Variants in RIN3 observed in about 807,000 individuals in gnomAD.
The protein encoded by RIN3 is RAB5 interacting protein 3.
In RIN3, 54 loss-of-function variants were observed where a neutral mutation model predicts 76.3. The observed-to-expected ratio is 0.71, with a 90% confidence interval of 0.57 to 0.89. The LOEUF is 0.89. Ranked by LOEUF, RIN3 falls within the 40% of genes least tolerant of loss-of-function variation. RIN3 has a pLI of 0.00. For missense variants in RIN3, 1,256 were observed against 1,322.1 expected (o/e 0.95, Z 0.78); for synonymous variants, 576 against 564.0 (o/e 1.02, Z -0.30).
chr14:92,687,698 G>A (rs1380421024), intron 9 of RIN3: 4 of 516,860 alleles, frequency 7.7e-6, no homozygotes, highest in East Asian at 3.5e-5. Flanking sequence ...ACTCCGAGAC[G>A]CGCCTTAATT....
In RIN3 at chr14:92,625,000, C is replaced by T. The variant is rs553633807; in HGVS notation, c.440+9521C>T. On this transcript the variant is annotated intron_variant, in intron 4 of 9. Transcript: ENST00000216487. ...CTTATTGAGGCCGTAGTCTCCGGGC[C>T]GGTGCTGATGGACTGGAAACTCAAG... Among the ~76,000 whole-genome samples, 10 of 152,266 alleles carry T rather than the reference C, an allele frequency of 6.6e-5. No homozygotes were observed. The South Asian group carries it at 8.3e-4, about 13-fold the overall frequency.
At chr14:92,650,135 T>C (rs979234619) in intron 5 of RIN3, among the ~76,000 whole-genome samples, 2 of 152,216 alleles carry the variant, frequency 1.3e-5, no homozygotes, top group Non-Finnish European at 1.5e-5. Context: ...TCCTGAGTTC[T>C]GGGCTGCAAG....
intron 4 of RIN3, among the ~76,000 whole-genome samples, chr14:92,638,198 G>A (rs1382440940): frequency 1.3e-5 from 2 of 152,178 alleles, no homozygotes; most frequent in African/African-American, 4.8e-5. Flanking sequence ...TGGCCTCGAA[G>A]GATGTATAGA....
chr14:92,685,153 G>A lies in RIN3; in HGVS notation c.2631+3G>A, dbSNP rs914700551. On this transcript the variant is annotated splice_donor_region_variant and intron_variant, in intron 9 of 9. Transcript: ENST00000216487. The surrounding 1 kb of genome is among the most constrained non-coding windows in gnomAD (Gnocchi z 4.7). ...GGGCCTCCCGCTCCTCCGTACAGGT[G>A]AGGCCTGAGAGCGGGAGGGGCCCGG... is the stretch of plus-strand genomic sequence containing the variant. 6.2e-7 allele frequency: 1 copy of A among 1,600,030 alleles called. No homozygotes were observed. The highest frequency in any genetic ancestry group is 1.7e-5 in the Admixed American group (1 of 58,980).
At chr14:92,552,267 T>C (rs1305947743) in intron 1 of RIN3, among the ~76,000 whole-genome samples, 1 of 152,216 alleles carries the variant, frequency 6.6e-6, no homozygotes, top group Admixed American at 6.5e-5. Context: ...TCAGTCACCC[T>C]GAGAGCAGCA....
intron 6 of RIN3, among the ~76,000 whole-genome samples, chr14:92,658,821 A>C (rs2140150099): frequency 1.3e-5 from 2 of 152,344 alleles, no homozygotes; most frequent in Middle Eastern, 6.8e-3. Flanking sequence ...CAGGTTGTAC[A>C]CTGTACAACT....
intron 6 of RIN3, among the ~76,000 whole-genome samples, chr14:92,658,649 C>A (rs56019622): frequency 6.6e-6 from 1 of 152,196 alleles, no homozygotes; most frequent in African/African-American, 2.4e-5. Context: ...CCTGACCAAC[C>A]CAGGTCAAGG....
intron 2 of RIN3, among the ~76,000 whole-genome samples, chr14:92,574,870 A>G (rs1861054706): frequency 6.6e-6 from 1 of 152,148 alleles, no homozygotes; most frequent in African/African-American, 2.4e-5. Context: ...CTGTAAGCCA[A>G]GTGGAGGCAA....
intron 3 of RIN3, among the ~76,000 whole-genome samples, chr14:92,601,412 T>C (rs1205660983): frequency 1.3e-5 from 2 of 152,150 alleles, no homozygotes; most frequent in Non-Finnish European, 2.9e-5. Context: ...CTTCTCTGGG[T>C]CTCACAGTGG....
intron 1 of RIN3, among the ~76,000 whole-genome samples, chr14:92,552,672 C>T (rs899894041): frequency 2.0e-5 from 3 of 152,152 alleles, no homozygotes; most frequent in African/African-American, 7.2e-5. Context: ...CAGATACCTG[C>T]AGCCAGGCAC....
At chr14:92,533,389 A>T (rs933637700) in intron 1 of RIN3, among the ~76,000 whole-genome samples, 18 of 152,390 alleles carry the variant, frequency 1.2e-4, no homozygotes, top group Admixed American at 9.1e-4. Flanking sequence ...AGAAGTCATT[A>T]TACAAAAAAG....
intron 4 of RIN3, among the ~76,000 whole-genome samples, chr14:92,622,609 C>T (rs1488744853): frequency 1.3e-5 from 2 of 152,190 alleles, no homozygotes; most frequent in African/African-American, 4.8e-5. Flanking sequence ...TAACGCAGAC[C>T]CTGTTCCTGT....
chr14:92,636,242 G>A (rs1345659410), intron 4 of RIN3, among the ~76,000 whole-genome samples: 5 of 152,156 alleles, frequency 3.3e-5, no homozygotes, highest in Non-Finnish European at 7.4e-5. Context: ...GAAAGAGAGA[G>A]GGAGGGAAAG....
chr14:92,573,294 G>C (rs1286092100), intron 2 of RIN3, among the ~76,000 whole-genome samples: 1 of 152,134 alleles, frequency 6.6e-6, no homozygotes, highest in South Asian at 2.1e-4. Flanking sequence ...AAGGGGGTGA[G>C]GACAGCTCCA....
intron 7 of RIN3, among the ~76,000 whole-genome samples, chr14:92,671,281 G>A (rs1047258162): frequency 1.3e-5 from 2 of 152,012 alleles, no homozygotes; most frequent in South Asian, 2.1e-4. Context: ...ATGTGGGAGA[G>A]CACAAGAAGT....
At chr14:92,664,418 A>AGTG (rs1555392816) in intron 7 of RIN3, among the ~76,000 whole-genome samples, 6 of 118,906 alleles carry the variant, frequency 5.0e-5, no homozygotes, top group Non-Finnish European at 9.6e-5. Context: ...CCCAGGCTGG[A>AGTG]GTGCAGTGGC....
intron 1 of RIN3, chr14:92,515,249 C>T (rs925341471): frequency 2.9e-6 from 2 of 700,284 alleles, no homozygotes; most frequent in South Asian, 1.5e-5. Flanking sequence ...ACTGGGAATC[C>T]GTTGGGGAAG....
rs1227471508 is a variant in RIN3 at position 92,555,955 on chromosome 14, G to A, written c.249G>A (p.Gly83=). ...GGATCCTGCACCGGGTGGTGGCTGGGGTGAGTGGGGGCGTCTCCCACTTGG... is the reference window on the plus strand; with the variant it reads ...GGATCCTGCACCGGGTGGTGGCTGGAGTGAGTGGGGGCGTCTCCCACTTGG... The part of the protein sequence containing the change: ...VARILHRVVA[G]MFLVRRDSSS... Residue 83 remains glycine (G), a splice_region_variant and synonymous_variant, in exon 2 of 10, where the codon GGG becomes GGA. Transcript: ENST00000216487. The A allele has an allele frequency of 6.2e-7, 1 of 1,610,790 alleles. No homozygotes were observed. Among genetic ancestry groups the A allele is most frequent in the Non-Finnish European group, 8.5e-7 (1 of 1,179,804 alleles).
intron 3 of RIN3, among the ~76,000 whole-genome samples, chr14:92,585,369 G>A (rs10873425): frequency 0.43 from 65,233 of 151,984 alleles, 14,731 homozygotes; most frequent in East Asian, 0.89. Flanking sequence ...GCTGACACCC[G>A]TGCACATGGA....
Sources: gnomAD v4.1 joint callset for allele counts (sites outside exome capture counted in the v4.1 genomes callset) on GRCh38, gnomAD v4.1.1 for gene constraint, Gnocchi (gnomAD v3.1) non-coding constraint, MANE v1.5 for transcripts, NCBI Gene and HGNC (gene_info 2026-07-23, HGNC 2026-07-21) for gene names.